Variants in SDK1 observed in about 807,000 individuals in gnomAD.
SDK1 encodes sidekick cell adhesion molecule 1.
SDK1 carries 157 observed loss-of-function variants against 245.5 expected under a neutral mutation model. That is an observed-to-expected ratio of 0.64 (90% confidence interval 0.56 to 0.73). The LOEUF is 0.73. Among genes scored for constraint, SDK1 ranks in the 30% least tolerant of loss-of-function variants. The probability of loss-of-function intolerance (pLI) is 0.00; values close to 1 mark genes in which losing one functional copy is unlikely to be tolerated. For missense variants in SDK1, 3,583 were observed against 3,002.3 expected, an observed-to-expected ratio of 1.19 and a Z score of -4.52; for synonymous variants, 1,647 against 1,278.5, an observed-to-expected ratio of 1.29 and a Z score of -6.15.
intron 1 of SDK1, among the ~76,000 whole-genome samples, chr7:3,470,096 A>G (rs1781133082): frequency 6.6e-6 from 1 of 152,186 alleles, no homozygotes; most frequent in African/African-American, 2.4e-5. Context: ...GAGAGGGTCC[A>G]TTTGTTCTCA....
At chr7:4,117,010 T>A (rs1444894118) in intron 25 of SDK1, among the ~76,000 whole-genome samples, 2 of 152,258 alleles carry the variant, frequency 1.3e-5, no homozygotes, top group Non-Finnish European at 2.9e-5. Context: ...CAAAAATCTC[T>A]GTTATCTTCA....
chr7:3,651,115 G>A (rs1008783962), intron 4 of SDK1, among the ~76,000 whole-genome samples: 8 of 142,834 alleles, frequency 5.6e-5, no homozygotes, highest in African/African-American at 2.1e-4. Flanking sequence ...TATGGTATTT[G>A]CATGTTTAGT....
chr7:3,645,177 A>T (rs10231366), intron 4 of SDK1, among the ~76,000 whole-genome samples: 44,681 of 152,126 alleles, frequency 0.29, 7,464 homozygotes, highest in African/African-American at 0.44. Context: ...TACATGCTAA[A>T]GCCTGTTTAA....
chr7:3,391,128 C>T (rs989527209), intron 1 of SDK1, among the ~76,000 whole-genome samples: 1 of 152,136 alleles, frequency 6.6e-6, no homozygotes, highest in African/African-American at 2.4e-5. Flanking sequence ...AATCAAAGTT[C>T]ATACCAGATC....
intron 4 of SDK1, among the ~76,000 whole-genome samples, chr7:3,748,715 A>G (rs1246629404): frequency 6.6e-6 from 1 of 152,222 alleles, no homozygotes; most frequent in Non-Finnish European, 1.5e-5. Flanking sequence ...ATCACAGGGC[A>G]AATTAAATCT....
intron 25 of SDK1, among the ~76,000 whole-genome samples, chr7:4,125,706 G>A (rs917020810): frequency 6.6e-6 from 1 of 152,216 alleles, no homozygotes; most frequent in African/African-American, 2.4e-5. Context: ...AGGCACCTCA[G>A]TGTTTGCTTT....
chr7:4,058,469 G>A (rs534471621), intron 19 of SDK1, among the ~76,000 whole-genome samples: 1 of 152,180 alleles, frequency 6.6e-6, no homozygotes, highest in Admixed American at 6.5e-5. Context: ...TCTAGCAAGA[G>A]ATTTAGACAT....
intron 1 of SDK1, among the ~76,000 whole-genome samples, chr7:3,310,407 T>C (rs1341742176): frequency 1.3e-5 from 2 of 152,188 alleles, no homozygotes; most frequent in Non-Finnish European, 2.9e-5. Flanking sequence ...TGAGAGAAAG[T>C]AGCAGCTTGG....
intron 4 of SDK1, among the ~76,000 whole-genome samples, chr7:3,710,084 C>G (rs1269713470): frequency 2.0e-5 from 3 of 152,146 alleles, no homozygotes; most frequent in African/African-American, 4.8e-5. Flanking sequence ...CTAATTAAAC[C>G]TCACATGTTG....
At chr7:3,603,059 G>A (rs1384600019) in intron 1 of SDK1, among the ~76,000 whole-genome samples, 1 of 151,996 alleles carries the variant, frequency 6.6e-6, no homozygotes, top group Non-Finnish European at 1.5e-5. Context: ...TTTGGTACCA[G>A]TGCCATGCTG....
chr7:3,764,726 A>T (rs1052859033), intron 4 of SDK1, among the ~76,000 whole-genome samples: 11 of 152,086 alleles, frequency 7.2e-5, no homozygotes, highest in African/African-American at 2.2e-4. Flanking sequence ...CTAAACATAC[A>T]ATTTAAAAAA....
chr7:3,371,967 A>C (rs1320946354), intron 1 of SDK1, among the ~76,000 whole-genome samples: 2 of 152,220 alleles, frequency 1.3e-5, no homozygotes, highest in African/African-American at 4.8e-5. Context: ...AACACAGGTT[A>C]GGTTTGTCTC....
At chr7:3,718,969 T>C (rs1785284818) in intron 4 of SDK1, among the ~76,000 whole-genome samples, 1 of 152,310 alleles carries the variant, frequency 6.6e-6, no homozygotes, top group East Asian at 1.9e-4. Flanking sequence ...CACGTTTCTA[T>C]ATAATAACGC....
intron 14 of SDK1, among the ~76,000 whole-genome samples, chr7:4,001,784 C>A (rs1785095684): frequency 6.6e-6 from 1 of 152,184 alleles, no homozygotes; most frequent in South Asian, 2.1e-4. Context: ...CTTTCTTCCC[C>A]CTGTTCTATG....
intron 19 of SDK1, 118 bp downstream of exon 19, chr7:4,051,948 G>A (rs993640457): frequency 2.3e-6 from 2 of 863,360 alleles, no homozygotes; most frequent in South Asian, 3.6e-5. Context: ...GATTTTTGGA[G>A]TGCTTGCAGT....
At position 3,395,831 on chromosome 7, in the gene SDK1, C is replaced by G. The variant is rs1332287041; in HGVS notation, c.298+93947C>G. 3.3e-5 allele frequency among the ~76,000 whole-genome samples: 5 copies of G among 151,700 alleles called. No homozygotes were observed. The East Asian group carries it at 9.6e-4, about 29-fold the overall frequency. On this transcript the variant is annotated intron_variant, in intron 1 of 44. Coordinates refer to ENST00000404826, the MANE Select transcript of SDK1 (RefSeq NM_152744.4). ...TCTGTGAGGGGTCAGTGGTAATCAT[C>G]TCTCTTTCATTCCTGATTTTTGTGG...
At chr7:3,992,267 A>G (rs1215419921) in intron 14 of SDK1, among the ~76,000 whole-genome samples, 1 of 152,220 alleles carries the variant, frequency 6.6e-6, no homozygotes, top group Non-Finnish European at 1.5e-5. Flanking sequence ...CTGAGCCTGC[A>G]CCCATGTACG....
intron 1 of SDK1, among the ~76,000 whole-genome samples, chr7:3,439,634 AGT>A: frequency 6.6e-6 from 1 of 152,256 alleles, no homozygotes; most frequent in African/African-American, 2.4e-5. Context: ...GGATTTAAAA[AGT>A]CAGTACATTT....
At chr7:3,475,425 C>T (rs1781322502) in intron 1 of SDK1, among the ~76,000 whole-genome samples, 2 of 152,216 alleles carry the variant, frequency 1.3e-5, no homozygotes, top group South Asian at 4.1e-4. Flanking sequence ...TCCAGAGCAG[C>T]GTTTCCACCC....
Sources: gnomAD v4.1 joint callset for allele counts (sites outside exome capture counted in the v4.1 genomes callset) on GRCh38, gnomAD v4.1.1 for gene constraint, MANE v1.5 for transcripts, NCBI Gene and HGNC (gene_info 2026-07-23, HGNC 2026-07-21) for gene names.